ARHGAP18: variants seen among roughly 807,000 people sequenced by gnomAD.
The protein encoded by ARHGAP18 is rho GTPase-activating protein 18.
ARHGAP18 carries 67 observed loss-of-function variants against 86.2 expected under a neutral mutation model. The observed-to-expected ratio is 0.78, with a 90% CI of 0.64 to 0.95. The LOEUF is 0.95. ARHGAP18 is among the 40% of genes least tolerant of loss of function. ARHGAP18 has a pLI of 0.00. For synonymous variants in ARHGAP18, 283 were observed against 280.4 expected (o/e 1.01, Z -0.09); for missense variants, 691 against 780.4 (o/e 0.89, Z 1.37).
intron 1 of ARHGAP18, among the ~76,000 whole-genome samples, chr6:129,704,840 C>T (rs1038580891): frequency 6.6e-6 from 1 of 152,156 alleles, no homozygotes; most frequent in Non-Finnish European, 1.5e-5. Context: ...TCAGCAAAAA[C>T]TCAAGTCCTC....
In ARHGAP18 at chr6:129,625,157, A is replaced by ATATAT. The variant is rs1562696426; in HGVS notation, c.786+4191_786+4195dup. Among the ~76,000 whole-genome samples, 18 of 3,004 alleles carry ATATAT rather than the reference A, an allele frequency of 6.0e-3. 4 individuals carry two copies. The highest frequency in any genetic ancestry group is 8.9e-3 in the Admixed American group (1 of 112). The allele number at this position is 3,004 out of a possible 152,430, so 2.0% of individuals were successfully genotyped here. A position where few individuals can be genotyped will look rare whatever the true frequency, so the allele number is the denominator to read the frequency against. ...ATGATATATATTATATATTATATAGATATATATTATATATGATATATTATA... is the reference window on the plus strand; with the variant it reads ...ATGATATATATTATATATTATATAGATATATTATATATTATATATGATATATTATA... On this transcript the variant is annotated intron_variant, in intron 5 of 14. Transcript: ENST00000368149.
At chr6:129,618,109 A>C (rs1012135315) in intron 6 of ARHGAP18, among the ~76,000 whole-genome samples, 18 of 144,110 alleles carry the variant, frequency 1.2e-4, no homozygotes, top group African/African-American at 4.5e-4. Flanking sequence ...ACTTACAAAA[A>C]AAACAAAAAA....
At chr6:129,600,096 T>C (rs1334308954) in intron 11 of ARHGAP18, among the ~76,000 whole-genome samples, 1 of 152,124 alleles carries the variant, frequency 6.6e-6, no homozygotes, top group African/African-American at 2.4e-5. Flanking sequence ...GATTGAAATA[T>C]TCAATATTAT....
intron 5 of ARHGAP18, among the ~76,000 whole-genome samples, chr6:129,627,029 A>G (rs1336642106): frequency 6.6e-6 from 1 of 152,116 alleles, no homozygotes; most frequent in Non-Finnish European, 1.5e-5. Flanking sequence ...GAAACATATC[A>G]GTCTAGGTCT....
intron 1 of ARHGAP18, among the ~76,000 whole-genome samples, chr6:129,694,661 A>G (rs577015421): frequency 6.6e-6 from 1 of 152,246 alleles, no homozygotes. Context: ...TAAGATTATG[A>G]GTTGCTTCTA....
intron 1 of ARHGAP18, among the ~76,000 whole-genome samples, chr6:129,669,742 G>A (rs1402823572): frequency 1.3e-5 from 2 of 151,500 alleles, no homozygotes; most frequent in Non-Finnish European, 2.9e-5. Context: ...CCGAGATCAT[G>A]CCACTGCACT....
chr6:129,616,325 T>G (rs771948623), intron 6 of ARHGAP18, 22 bp from the exon 7 acceptor site: 44 of 1,574,924 alleles, frequency 2.8e-5, no homozygotes, highest in Non-Finnish European at 3.8e-5. Flanking sequence ...AAAATGAAAT[T>G]TCCTCACTTT....
intron 1 of ARHGAP18, among the ~76,000 whole-genome samples, chr6:129,667,643 G>C (rs533902747): frequency 6.6e-6 from 1 of 151,944 alleles, no homozygotes; most frequent in East Asian, 1.9e-4. Context: ...AAAGTGTCTA[G>C]TAAGGCATTG....
chr6:129,653,939 A>AGGCTGAGGT (rs1395860885), intron 1 of ARHGAP18, among the ~76,000 whole-genome samples: 1 of 152,190 alleles, frequency 6.6e-6, no homozygotes, highest in Admixed American at 6.5e-5. Flanking sequence ...GCTACTCAGG[A>AGGCTGAGGT]GGCTGAGGTG....
chr6:129,694,714 T>C (rs1295530072), intron 1 of ARHGAP18, among the ~76,000 whole-genome samples: 1 of 152,254 alleles, frequency 6.6e-6, no homozygotes, highest in East Asian at 1.9e-4. Flanking sequence ...ACACTGTGTA[T>C]TGTTTTCAAC....
At chr6:129,613,136 G>A (rs929734255) in intron 7 of ARHGAP18, among the ~76,000 whole-genome samples, 1 of 151,830 alleles carries the variant, frequency 6.6e-6, no homozygotes, top group Non-Finnish European at 1.5e-5. Context: ...GGGAGGCTGA[G>A]GCAGGAGAAT....
intron 1 of ARHGAP18, among the ~76,000 whole-genome samples, chr6:129,649,258 TA>T (rs1276697733): frequency 3.9e-5 from 6 of 152,166 alleles, no homozygotes; most frequent in Non-Finnish European, 5.9e-5. Context: ...TCCTTTTCTT[TA>T]AAAATAAAAG....
intron 10 of ARHGAP18, among the ~76,000 whole-genome samples, chr6:129,604,938 A>C (rs1788822159): frequency 6.6e-6 from 1 of 152,130 alleles, no homozygotes; most frequent in African/African-American, 2.4e-5. Flanking sequence ...GTTACAATTC[A>C]AGGAGTTTTA....
chr6:129,700,023 TAAG>T (rs1489096546), intron 1 of ARHGAP18, among the ~76,000 whole-genome samples: 1 of 152,136 alleles, frequency 6.6e-6, no homozygotes, highest in South Asian at 2.1e-4. Flanking sequence ...GCACAGAGCT[TAAG>T]AAGAACTGGG....
intron 1 of ARHGAP18, among the ~76,000 whole-genome samples, chr6:129,676,915 C>CTTTTTTTTT (rs10688716): frequency 1.3e-3 from 48 of 37,978 alleles, no homozygotes; most frequent in African/African-American, 3.0e-3. Flanking sequence ...TTTTTGTCCT[C>CTTTTTTTTT]TTTTTTTTTT....
chr6:129,625,970 TTATA>T (rs532527510), intron 5 of ARHGAP18, among the ~76,000 whole-genome samples: 1 of 110,804 alleles, frequency 9.0e-6, no homozygotes, highest in Non-Finnish European at 1.7e-5. Context: ...TATTTATATA[TTATA>T]TATATTTATA....
At chr6:129,621,608 G>A (rs961720716) in intron 5 of ARHGAP18, among the ~76,000 whole-genome samples, 1 of 152,216 alleles carries the variant, frequency 6.6e-6, no homozygotes, top group East Asian at 1.9e-4. Flanking sequence ...GAGAACAACT[G>A]AACCTAACTT....
At chr6:129,689,976 T>C (rs1213206411) in intron 1 of ARHGAP18, among the ~76,000 whole-genome samples, 1 of 152,234 alleles carries the variant, frequency 6.6e-6, no homozygotes, top group South Asian at 2.1e-4. Flanking sequence ...AGAAGGCTGA[T>C]TCATTTTTAA....
Position 129,625,541 on chromosome 6 carries a change from T to TTA in ARHGAP18, c.786+3810_786+3811dup, listed in dbSNP as rs1171626926. Among the ~76,000 whole-genome samples, 4 of 54,816 alleles carry TTA rather than the reference T, an allele frequency of 7.3e-5. 1 individual carries two copies. The highest frequency in any genetic ancestry group is 2.6e-4 in the African/African-American group (4 of 15,604). The allele number at this position is 54,816 out of a possible 152,430, so 36.0% of individuals were successfully genotyped here. A position where few individuals can be genotyped will look rare whatever the true frequency, so the allele number is the denominator to read the frequency against. On this transcript the variant is annotated intron_variant, in intron 5 of 14. Coordinates refer to ENST00000368149, the MANE Select transcript of ARHGAP18 (RefSeq NM_033515.3). ...ATATATTATAACTATACATTATATA[T>TTA]TATATATATTTATTATATATTATAT...
Sources: allele counts gnomAD v4.1 joint callset (sites outside exome capture counted in the v4.1 genomes callset), GRCh38; gene constraint gnomAD v4.1.1; transcripts MANE v1.5; gene names NCBI Gene and HGNC (gene_info 2026-07-23, HGNC 2026-07-21).